The following SORCS1 variants were observed in gnomAD, a reference collection of about 807,000 sequenced individuals.
SORCS1 encodes sortilin related VPS10 domain containing receptor 1.
In SORCS1, 60 loss-of-function variants were observed where a neutral mutation model predicts 146.1. The ratio of observed to expected loss-of-function variants is 0.41; its 90% CI spans 0.33 to 0.51. The LOEUF (loss-of-function observed/expected upper bound fraction) is 0.51, where lower values mean the gene tolerates loss of function less well. SORCS1 is among the 20% of genes least tolerant of loss of function. The pLI is 0.21. For synonymous variants in SORCS1, 637 were observed against 584.0 expected (o/e 1.09, Z -1.31); for missense variants, 1,352 against 1,487.6 (o/e 0.91, Z 1.50).
intron 7 of SORCS1, among the ~76,000 whole-genome samples, chr10:106,707,533 T>C (rs972891035): frequency 1.3e-5 from 2 of 152,076 alleles, no homozygotes; most frequent in African/African-American, 4.8e-5. Flanking sequence ...TAAATCTCAC[T>C]CTATTGCCCA....
intron 2 of SORCS1, among the ~76,000 whole-genome samples, chr10:106,860,384 A>T (rs1312683693): frequency 1.3e-5 from 2 of 152,194 alleles, no homozygotes; most frequent in African/African-American, 4.8e-5. Context: ...TCAAATCTTC[A>T]TAGGCTGCAT....
intron 24 of SORCS1, among the ~76,000 whole-genome samples, chr10:106,579,947 T>G (rs1408545847): frequency 6.6e-6 from 1 of 151,690 alleles, no homozygotes; most frequent in Non-Finnish European, 1.5e-5. Flanking sequence ...TAATCAATAT[T>G]TATAATATAA....
intron 1 of SORCS1, among the ~76,000 whole-genome samples, chr10:107,088,959 CTAT>C (rs200307110): frequency 6.7e-6 from 1 of 149,502 alleles, no homozygotes; most frequent in Non-Finnish European, 1.5e-5. Flanking sequence ...TTATTTGTTT[CTAT>C]TATTAATTCT....
intron 1 of SORCS1, among the ~76,000 whole-genome samples, chr10:107,091,656 C>T (rs564418664): frequency 1.4e-4 from 22 of 152,192 alleles, no homozygotes; most frequent in Non-Finnish European, 2.2e-4. Context: ...AATAAGTCAC[C>T]GAGATTCAAT....
intron 6 of SORCS1, among the ~76,000 whole-genome samples, chr10:106,723,357 T>A (rs558596495): frequency 6.6e-6 from 1 of 151,642 alleles, no homozygotes; most frequent in East Asian, 1.9e-4. Flanking sequence ...GAATGTAGGT[T>A]TCCTTTTTAG....
intron 18 of SORCS1, among the ~76,000 whole-genome samples, chr10:106,640,717 T>C (rs568619799): frequency 2.6e-5 from 4 of 152,302 alleles, no homozygotes; most frequent in Admixed American, 1.3e-4. Context: ...TGAAAGTCTA[T>C]AGGCTCATTA....
intron 1 of SORCS1, among the ~76,000 whole-genome samples, chr10:107,131,831 C>T (rs1295564923): frequency 1.3e-5 from 2 of 152,140 alleles, no homozygotes; most frequent in Admixed American, 6.5e-5. Context: ...ACTGAGTTAT[C>T]GTCAATCCAC....
intron 5 of SORCS1, among the ~76,000 whole-genome samples, chr10:106,740,059 CAT>C (rs770653672): frequency 3.3e-5 from 5 of 152,012 alleles, no homozygotes; most frequent in African/African-American, 4.8e-5. Context: ...GCTATCTCCA[CAT>C]GTTTTGTTTG....
chr10:106,805,367 G>A (rs963616653), intron 3 of SORCS1, among the ~76,000 whole-genome samples: 2 of 152,058 alleles, frequency 1.3e-5, no homozygotes, highest in African/African-American at 4.8e-5. Context: ...TTACCTTTGG[G>A]GTCCCCATGC....
intron 1 of SORCS1, among the ~76,000 whole-genome samples, chr10:107,015,755 G>C (rs1480105897): frequency 1.3e-5 from 2 of 152,154 alleles, no homozygotes; most frequent in Admixed American, 1.3e-4. Flanking sequence ...TGAATTAGAA[G>C]AGTTCATTTG....
intron 23 of SORCS1, chr10:106,600,313 T>G (rs1347689566): frequency 1.0e-6 from 1 of 964,990 alleles, no homozygotes; most frequent in Non-Finnish European, 1.2e-6. Context: ...AAATTTAAAT[T>G]TAAAAATTAT....
upstream of SORCS1, among the ~76,000 whole-genome samples, chr10:107,168,651 T>A (rs1397922455): frequency 1.4e-5 from 2 of 146,258 alleles, no homozygotes; most frequent in African/African-American, 5.0e-5. Flanking sequence ...GGAGTTTAAA[T>A]GTACCAGCTC....
intron 25 of SORCS1, chr10:106,577,804 A>C (rs1844659619): frequency 2.0e-6 from 1 of 508,662 alleles, no homozygotes; most frequent in South Asian, 4.2e-5. Context: ...GGCAGAAAAG[A>C]CTTTTTTCTT....
intron 1 of SORCS1, among the ~76,000 whole-genome samples, chr10:107,126,492 A>C (rs1039515687): frequency 1.3e-5 from 2 of 152,308 alleles, no homozygotes; most frequent in Middle Eastern, 3.4e-3. Flanking sequence ...AAATAAAAAT[A>C]ATCTGGCTTC....
rs139783551 is a variant in SORCS1 at position 106,701,912 on chromosome 10, T to C, written c.1234-2519A>G. Reference sequence around the variant, plus strand: ...AGTGCCTGGCACTTAGCATATGCTCTAGGTATGTTAGCTACTCTCAGTTAA... The same window carrying C: ...AGTGCCTGGCACTTAGCATATGCTCCAGGTATGTTAGCTACTCTCAGTTAA... On this transcript the variant is annotated intron_variant, in intron 8 of 25. Transcript: ENST00000263054. Among the ~76,000 whole-genome samples the C allele has an allele frequency of 2.6e-4, 40 of 152,344 alleles. No homozygotes were observed. In the East Asian group the frequency reaches 7.1e-3, roughly 27 times the overall value.
At chr10:106,972,533 C>CT (rs531136280) in intron 1 of SORCS1, among the ~76,000 whole-genome samples, 1,952 of 146,130 alleles carry the variant, frequency 0.013, 39 homozygotes, top group African/African-American at 0.043. Flanking sequence ...TACCTTTCTT[C>CT]TTTTTTTTTT....
intron 1 of SORCS1, among the ~76,000 whole-genome samples, chr10:107,004,970 T>C (rs1475942783): frequency 1.3e-5 from 2 of 152,062 alleles, no homozygotes; most frequent in African/African-American, 4.8e-5. Flanking sequence ...TTAAACTTTC[T>C]CCAGTTGCCT....
chr10:107,077,381 G>T (rs1391630972), intron 1 of SORCS1, among the ~76,000 whole-genome samples: 1 of 151,150 alleles, frequency 6.6e-6, no homozygotes, highest in Non-Finnish European at 1.5e-5. Flanking sequence ...ATAAACTCTT[G>T]CTATTCTTAT....
rs1264407586 is a variant in SORCS1 at position 106,829,656 on chromosome 10, G to T, written c.644C>A (p.Thr215Lys). 1 of 1,606,490 alleles carries T rather than the reference G, an allele frequency of 6.2e-7. No homozygotes were observed. Among genetic ancestry groups the T allele is most frequent in the South Asian group, 1.1e-5 (1 of 90,702 alleles). ...SSLWRSTDYG[T>K]TYEKLNDKVG... ...TTTATCATTCAGCTTCTCATAGGTT[G>T]TTCCATAATCGGTTGACCTATAATC... is the stretch of plus-strand genomic sequence containing the variant. The change falls in exon 3 of 26, where the codon ACA (threonine) becomes AAA (lysine). Residue 215 changes from threonine (T) to lysine (K), a missense_variant. Coordinates refer to ENST00000263054, the MANE Select transcript of SORCS1 (RefSeq NM_052918.5).
Sources: allele counts gnomAD v4.1 joint callset (sites outside exome capture counted in the v4.1 genomes callset), GRCh38; gene constraint gnomAD v4.1.1; transcripts MANE v1.5; gene names NCBI Gene and HGNC (gene_info 2026-07-23, HGNC 2026-07-21).